RAB33A: variants seen among roughly 807,000 people sequenced by gnomAD.
RAB33A encodes ras-related protein Rab-33A.
A neutral mutation model predicts 12.0 loss-of-function variants in RAB33A; 6 were observed. That is an observed-to-expected ratio of 0.50 (90% CI 0.27 to 0.99). The LOEUF is 0.99. Ranked by LOEUF, RAB33A falls within the 50% of genes least tolerant of loss-of-function variation. The probability of loss-of-function intolerance (pLI) is 0.11; values close to 1 mark genes in which losing one functional copy is unlikely to be tolerated. For synonymous variants in RAB33A, 70 were observed against 82.4 expected, an observed-to-expected ratio of 0.85 and a Z score of 0.81; for missense variants, 109 against 192.0, an observed-to-expected ratio of 0.57 and a Z score of 2.55.
the RAB33A span, among the ~76,000 whole-genome samples, chrX:130,126,985 C>T: frequency 1.2e-4 from 13 of 111,471 alleles, no homozygotes; most frequent in Non-Finnish European, 2.4e-4. Flanking sequence ...GGAGGGATGG[C>T]GTTCCGGATG....
the RAB33A span, among the ~76,000 whole-genome samples, chrX:130,159,613 TTTTG>T: frequency 9.0e-6 from 1 of 111,001 alleles, no homozygotes; most frequent in Admixed American, 9.6e-5. Context: ...TTTTTTTTGT[TTTTG>T]TTTTTCTTTT....
intron 1 of RAB33A, among the ~76,000 whole-genome samples, chrX:130,181,007 C>CAAAAAAAAAAAAAAAAAA (rs60085312): frequency 1.2e-4 from 1 of 8,125 alleles, no homozygotes; most frequent in African/African-American, 3.4e-4. Flanking sequence ...CAGTCCATCT[C>CAAAAAAAAAAAAAAAAAA]AAAAAAAAAA....
the RAB33A span, among the ~76,000 whole-genome samples, chrX:130,161,550 T>C: frequency 1.9e-5 from 2 of 105,956 alleles, no homozygotes; most frequent in African/African-American, 3.4e-5. Flanking sequence ...CAAGCCTAGA[T>C]AGTCTGTCCA....
At chrX:130,152,499 T>C in the RAB33A span, among the ~76,000 whole-genome samples, 2 of 112,295 alleles carry the variant, frequency 1.8e-5, no homozygotes, top group African/African-American at 6.5e-5. Context: ...AAGACAACTT[T>C]TCTAAACAGA....
the RAB33A span, among the ~76,000 whole-genome samples, chrX:130,142,251 TG>T: frequency 4.7e-3 from 525 of 111,862 alleles, 1 homozygote; most frequent in African/African-American, 0.016. Context: ...CAGGTTGGGT[TG>T]GGTAAAGCTT....
intron 1 of RAB33A, among the ~76,000 whole-genome samples, chrX:130,182,599 A>G: frequency 9.1e-6 from 1 of 109,791 alleles, no homozygotes; most frequent in Non-Finnish European, 1.9e-5. Context: ...TACTAAAAAT[A>G]TAAAATTAGC....
the RAB33A span, among the ~76,000 whole-genome samples, chrX:130,131,091 G>A: frequency 1.8e-5 from 2 of 111,890 alleles, no homozygotes; most frequent in Non-Finnish European, 3.8e-5. Context: ...ATAAGGTCTC[G>A]GAGTTAATGA....
chrX:130,178,040 G>A (rs1169298313), intron 1 of RAB33A, among the ~76,000 whole-genome samples: 1 of 112,405 alleles, frequency 8.9e-6, no homozygotes, highest in Non-Finnish European at 1.9e-5. Context: ...TGAGATCACT[G>A]CTAGGTAAGG....
the RAB33A span, chrX:130,155,311 G>C: frequency 1.7e-6 from 2 of 1,204,610 alleles, no homozygotes; most frequent in Admixed American, 4.4e-5. Context: ...AAGGCCAAGA[G>C]AGAAACAAAA....
upstream of RAB33A, among the ~76,000 whole-genome samples, chrX:130,168,210 CT>C (rs377586962): frequency 0.015 from 1,420 of 94,107 alleles, 29 homozygotes; most frequent in East Asian, 0.076. Flanking sequence ...CAAAGATACT[CT>C]TTTTTTTTTT....
chrX:130,155,275 G>T, the RAB33A span: 1 of 1,210,615 alleles, frequency 8.3e-7, no homozygotes, highest in Non-Finnish European at 1.1e-6. Flanking sequence ...CCTAGGTGAT[G>T]AGACTGCACA....
the RAB33A span, among the ~76,000 whole-genome samples, chrX:130,122,427 G>A: frequency 8.9e-6 from 1 of 112,276 alleles, no homozygotes; most frequent in African/African-American, 3.2e-5. Flanking sequence ...TTGCCTGTAT[G>A]CACTTTCCTT....
chrX:130,184,510 C>G lies in RAB33A; in HGVS notation c.484C>G (p.Pro162Ala), dbSNP rs774446294. ...TGACTTGAGGGAACAGATCCAGGTGCCCTCCAACTTAGCCCTGAAATTTGC... is the reference window on the plus strand; with the variant it reads ...TGACTTGAGGGAACAGATCCAGGTGGCCTCCAACTTAGCCCTGAAATTTGC... ...KCDLREQIQV[P>A]SNLALKFADA... The change falls in exon 2 of 2, where the codon CCC becomes GCC. Residue 162 changes from proline to alanine, a missense_variant. Pro to Ala is a conservative substitution (Grantham distance 27). Transcript: ENST00000257017. 1.7e-6 allele frequency: 2 copies of G among 1,211,858 alleles called. No individual in the cohort carries two copies. Among genetic ancestry groups the G allele is most frequent in the South Asian group, 1.8e-5 (1 of 57,022 alleles).
At chrX:130,165,937 A>C in the RAB33A span, 1 of 384,577 alleles carries the variant, frequency 2.6e-6, no homozygotes, top group Non-Finnish European at 4.6e-6. Flanking sequence ...AGCTGGCCGC[A>C]AGCTCGCAAA....
At chrX:130,138,612 G>T in the RAB33A span, 295 of 1,206,940 alleles carry the variant, frequency 2.4e-4, 1 homozygote, top group African/African-American at 4.9e-3. Context: ...CAAGAGCACA[G>T]GCCAGTTCGC....
chrX:130,174,288 A>T (rs1401012966), intron 1 of RAB33A, among the ~76,000 whole-genome samples: 1 of 111,983 alleles, frequency 8.9e-6, no homozygotes. Context: ...GGGGAAGATG[A>T]TATTTTCAAG....
At chrX:130,134,918 G>T in the RAB33A span, among the ~76,000 whole-genome samples, 4 of 111,283 alleles carry the variant, frequency 3.6e-5, no homozygotes, top group African/African-American at 1.3e-4. Context: ...GAAAAGAGCA[G>T]AATATTATAT....
the RAB33A span, among the ~76,000 whole-genome samples, chrX:130,148,982 C>T: frequency 3.2e-5 from 3 of 92,502 alleles, no homozygotes; most frequent in African/African-American, 1.3e-4. Flanking sequence ...AGTGCAGCAG[C>T]GTGATCTTGG....
At chrX:130,118,360 C>CT in the RAB33A span, among the ~76,000 whole-genome samples, 1 of 112,534 alleles carries the variant, frequency 8.9e-6, no homozygotes, top group African/African-American at 3.2e-5. Context: ...TCCCAAGGGG[C>CT]AGGCCTGGGC....
Sources: allele counts gnomAD v4.1 joint callset (sites outside exome capture counted in the v4.1 genomes callset), GRCh38; gene constraint gnomAD v4.1.1; transcripts MANE v1.5; gene names NCBI Gene and HGNC (gene_info 2026-07-23, HGNC 2026-07-21).